RTN4: variants seen among roughly 807,000 people sequenced by gnomAD.
RTN4 encodes the protein reticulon-4.
Under a neutral mutation model 90.4 loss-of-function variants are expected in RTN4, and 32 were observed. The ratio of observed to expected loss-of-function variants is 0.35; its 90% confidence interval spans 0.27 to 0.48. The LOEUF (loss-of-function observed/expected upper bound fraction) is 0.48. Among genes scored for constraint, RTN4 ranks in the 20% least tolerant of loss-of-function variants. The pLI is 0.99. For synonymous variants in RTN4, 629 were observed against 552.5 expected (o/e 1.14, Z -1.94); for missense variants, 1,706 against 1,430.2 (o/e 1.19, Z -3.11).
chr2:55,005,151 T>C (rs1017231182), intron 3 of RTN4, among the ~76,000 whole-genome samples: 11 of 152,174 alleles, frequency 7.2e-5, no homozygotes, highest in Non-Finnish European at 4.4e-5. Context: ...ACATCCAGGA[T>C]AGACAGAAGA....
chr2:54,973,078 TCTTCC>T lies in RTN4; in HGVS notation c.*73_*77del, dbSNP rs1677240826. The T allele has an allele frequency of 3.2e-6, 4 of 1,241,180 alleles. No individual in the cohort carries two copies. The highest frequency in any genetic ancestry group is 2.6e-5 in the South Asian group (2 of 75,794). The allele number at this position is 1,241,180 out of a possible 1,614,324, so 76.9% of individuals were successfully genotyped here. A position where few individuals can be genotyped will look rare whatever the true frequency, so the allele number is the denominator to read the frequency against. On this transcript the variant is annotated 3_prime_UTR_variant, in exon 9 of 9. Coordinates refer to ENST00000337526, the MANE Select transcript of RTN4 (RefSeq NM_020532.5). Reference sequence around the variant, plus strand: ...ACTGCACTGCAACGTCAAGGTTCGTTCTTCCCTGACCCTCCCCCGTATAATCAAAT... The same window carrying T: ...ACTGCACTGCAACGTCAAGGTTCGTTCTGACCCTCCCCCGTATAATCAAAT...
At chr2:55,115,210 A>C (rs1668102898), upstream of RTN4, among the ~76,000 whole-genome samples, 1 of 152,208 alleles carries the variant, frequency 6.6e-6, no homozygotes, top group Non-Finnish European at 1.5e-5. Context: ...GAATCTTACT[A>C]GGCTAAAATC....
At chr2:55,092,509 C>T (rs1179653270) in intron 1 of RTN4, among the ~76,000 whole-genome samples, 1 of 152,180 alleles carries the variant, frequency 6.6e-6, no homozygotes, top group Non-Finnish European at 1.5e-5. Flanking sequence ...GCTGGGATTA[C>T]AGGCGTGAGC....
chr2:54,977,406 GT>G (rs34777052), intron 5 of RTN4, among the ~76,000 whole-genome samples: 5 of 146,138 alleles, frequency 3.4e-5, no homozygotes, highest in East Asian at 2.0e-4. Flanking sequence ...AGCTCAGGCC[GT>G]TTTTTTTTTT....
chr2:55,111,797 C>T lies in RTN4; in HGVS notation c.-214+723G>A, dbSNP rs114934875. Among the ~76,000 whole-genome samples the T allele has an allele frequency of 5.7e-3, 867 of 152,270 alleles. 7 individuals carry two copies. The highest frequency in any genetic ancestry group is 0.02 in the African/African-American group (826 of 41,556). On this transcript the variant is annotated intron_variant, in intron 1 of 3. Transcript: ENST00000427710. ...TATCCAGACACATTGAACAGATATT[C>T]ACTGAAATGTCCTTAAAAAATCTAC...
intron 2 of RTN4, among the ~76,000 whole-genome samples, chr2:55,066,355 C>G (rs1270171785): frequency 6.6e-6 from 1 of 152,062 alleles, no homozygotes; most frequent in East Asian, 1.9e-4. Context: ...TGTACATAAA[C>G]TCTTATTTTT....
In RTN4 at chr2:55,025,499, A is replaced by G; in HGVS notation, c.2600T>C (p.Ile867Thr). 6.2e-7 allele frequency: 1 copy of G among 1,613,724 alleles called. No individual in the cohort carries two copies. Among genetic ancestry groups the G allele is most frequent in the Non-Finnish European group, 8.5e-7 (1 of 1,179,798 alleles). Reference sequence around the variant, plus strand: ...GATCAATGTAGGGAACTCATCTATAATTTCAATTGGAGATGAATCTGAAAA... The same window carrying G: ...GATCAATGTAGGGAACTCATCTATAGTTTCAATTGGAGATGAATCTGAAAA... ...ETFSDSSPIE[I>T]IDEFPTLISS... The change falls in exon 3 of 9, where the codon ATT becomes ACT. Residue 867 changes from isoleucine to threonine, a missense_variant. Ile to Thr is a moderately conservative substitution (Grantham distance 89, BLOSUM62 -1). Coordinates refer to ENST00000337526, the MANE Select transcript of RTN4 (RefSeq NM_020532.5).
rs563071914 is a variant in RTN4 at position 55,009,217 on chromosome 2, T to C, written c.3013+15869A>G. 1.4e-4 allele frequency among the ~76,000 whole-genome samples: 21 copies of C among 152,164 alleles called. No homozygotes were observed. The South Asian group carries it at 3.9e-3, about 29-fold the overall frequency. On this transcript the variant is annotated intron_variant, in intron 3 of 8. Transcript: ENST00000337526. ...AACTTGAATGTAGCCAGGAAAAAAA[T>C]TGCTTACGTAGAATGTCTATTTTGG...
chr2:54,986,969 G>T (rs917649285), intron 4 of RTN4, among the ~76,000 whole-genome samples: 14 of 151,908 alleles, frequency 9.2e-5, no homozygotes, highest in African/African-American at 3.1e-4. Flanking sequence ...TGAAAACAAG[G>T]GTAGAAGATG....
the RTN4 span, among the ~76,000 whole-genome samples, chr2:55,120,461 G>T: frequency 3.3e-5 from 5 of 152,146 alleles, no homozygotes; most frequent in Non-Finnish European, 1.5e-5. Context: ...CCTCCAAGCT[G>T]GGGCTGGCCC....
At position 55,038,551 on chromosome 2, in the gene RTN4, T is replaced by C. The variant is rs568154018; in HGVS notation, c.557-10331A>G. On this transcript the variant is annotated intron_variant, in intron 1 of 8. Transcript: ENST00000337526. ...TAATTCATTAGTCCCTAGGGAAATC[T>C]AGATTAAGACCACAATGAGGAACCA... 7.2e-5 allele frequency among the ~76,000 whole-genome samples: 11 copies of C among 152,310 alleles called. No individual in the cohort carries two copies. In the South Asian group the frequency reaches 2.3e-3, roughly 32 times the overall value.
chr2:55,036,582 A>G (rs1466712246), intron 1 of RTN4, among the ~76,000 whole-genome samples: 2 of 141,772 alleles, frequency 1.4e-5, no homozygotes, highest in Non-Finnish European at 3.0e-5. Flanking sequence ...AGCCCAGGCA[A>G]CAGAGCAAGA....
In RTN4 at chr2:55,048,472, T is replaced by C. The variant is rs1383132782; in HGVS notation, c.556+1273A>G. Among the ~76,000 whole-genome samples, 3 of 152,188 alleles carry C rather than the reference T, an allele frequency of 2.0e-5. No individual in the cohort carries two copies. The East Asian group carries it at 5.8e-4, about 29-fold the overall frequency. On this transcript the variant is annotated intron_variant, in intron 1 of 8. Transcript: ENST00000337526. ...TTTTAAAGCTATAGAAAAGAAATTT[T>C]ATATTCTTATTCTATAAGCTTTTTT...
Position 54,982,560 on chromosome 2 carries a change from T to C in RTN4, c.3315A>G (p.Glu1105=). ...ALGHVNCTIK[E]LRRLFLVDDL... is the part of the protein sequence containing the mutation. ...CATCAACTAAGAAGAGGCGCCTGAG[T>C]TCCTTTATCGTGCAGTTCACATGAC... Residue 1105 remains glutamate (E), a synonymous_variant, in exon 5 of 9, where the codon GAA becomes GAG. Transcript: ENST00000337526. 6.2e-7 allele frequency: 1 copy of C among 1,613,446 alleles called. No homozygotes were observed. The highest frequency in any genetic ancestry group is 8.5e-7 in the Non-Finnish European group (1 of 1,179,826).
Position 55,025,907 on chromosome 2 carries a change from T to A in RTN4, c.2192A>T (p.His731Leu), listed in dbSNP as rs760126708. Residue 731 changes from histidine to leucine, a missense_variant, in exon 3 of 9, where the codon CAT (histidine) becomes CTT (leucine). His to Leu is a moderately conservative substitution (Grantham distance 99). Transcript: ENST00000337526. ...MAKVEQPVPD[H>L]SELVEDSSPD... ...TGAGGAATCTTCAACTAGCTCAGAATGATCAGGCACTGGCTGTTCAACTTT... is the reference window on the plus strand; with the variant it reads ...TGAGGAATCTTCAACTAGCTCAGAAAGATCAGGCACTGGCTGTTCAACTTT... 2 of 1,613,764 alleles carry A rather than the reference T, an allele frequency of 1.2e-6. No individual in the cohort carries two copies. Among genetic ancestry groups the A allele is most frequent in the East Asian group, 4.5e-5 (2 of 44,872 alleles).
chr2:55,087,245 G>T (rs1316035463), intron 1 of RTN4, among the ~76,000 whole-genome samples: 2 of 152,146 alleles, frequency 1.3e-5, no homozygotes, highest in Non-Finnish European at 2.9e-5. Context: ...AAGTGTAATT[G>T]CTGGGTCATT....
In RTN4 at chr2:54,972,618, T is replaced by TTTAC. The variant is rs368408349; in HGVS notation, c.*534_*537dup. ...AAACACTATACATATATAATCTATA[T>TTTAC]TTACTTATATTGGCAATTAATATAA... On this transcript the variant is annotated 3_prime_UTR_variant, in exon 9 of 9. Transcript: ENST00000337526. 2 of 152,804 alleles carry TTTAC rather than the reference T, an allele frequency of 1.3e-5. No homozygotes were observed. Among genetic ancestry groups the TTTAC allele is most frequent in the African/African-American group, 4.8e-5 (2 of 41,574 alleles). The allele number at this position is 152,804 out of a possible 1,614,324, so 9.5% of individuals were successfully genotyped here. A position where few individuals can be genotyped will look rare whatever the true frequency, so the allele number is the denominator to read the frequency against.
the RTN4 span, among the ~76,000 whole-genome samples, chr2:55,135,492 C>T: frequency 6.6e-6 from 1 of 152,290 alleles, no homozygotes; most frequent in South Asian, 2.1e-4. Flanking sequence ...CAGGCGTGAG[C>T]CACCATGCCC....
intron 1 of RTN4, chr2:55,046,948 A>G (rs1427259386): frequency 6.6e-6 from 1 of 152,158 alleles, no homozygotes; most frequent in East Asian, 1.9e-4. Context: ...GAGTGCTGTC[A>G]CCCCCTGAAT....
Sources: gnomAD v4.1 joint callset for allele counts (sites outside exome capture counted in the v4.1 genomes callset) on GRCh38, gnomAD v4.1.1 for gene constraint, MANE v1.5 for transcripts, NCBI Gene and HGNC (gene_info 2026-07-23, HGNC 2026-07-21) for gene names.